Variants in USP13 observed in about 807,000 individuals in gnomAD.
The protein encoded by USP13 is ubiquitin carboxyl-terminal hydrolase 13.
A neutral mutation model predicts 107.8 loss-of-function variants in USP13; 68 were observed. That is an observed-to-expected ratio of 0.63 (90% CI 0.52 to 0.77). The LOEUF is 0.77. Among genes scored for constraint, USP13 ranks in the 30% least tolerant of loss-of-function variants. USP13 has a pLI of 0.00. For missense variants in USP13, 945 were observed against 1,093.3 expected, an observed-to-expected ratio of 0.86 and a Z score of 1.91; for synonymous variants, 377 against 389.5, an observed-to-expected ratio of 0.97 and a Z score of 0.38.
chr3:179,728,875 G>C (rs1164267359), intron 8 of USP13, among the ~76,000 whole-genome samples: 3 of 149,702 alleles, frequency 2.0e-5, no homozygotes, highest in Non-Finnish European at 4.4e-5. Flanking sequence ...GCAGGCAGTC[G>C]GCAGGCTGAG....
intron 15 of USP13, 97 bp downstream of exon 15, chr3:179,754,951 A>AC (rs1481853288): frequency 4.9e-6 from 7 of 1,440,504 alleles, no homozygotes; most frequent in Non-Finnish European, 6.5e-6. Context: ...TACCACCACC[A>AC]CCCATTGGTG....
chr3:179,774,791 C>G (rs1359497035), intron 19 of USP13, among the ~76,000 whole-genome samples: 1 of 152,152 alleles, frequency 6.6e-6, no homozygotes, highest in Non-Finnish European at 1.5e-5. Context: ...GCTGATTGGC[C>G]CATTTTACAG....
In USP13 at chr3:179,761,234, A is replaced by G. The variant is rs1234380411; in HGVS notation, c.2071A>G (p.Ile691Val). Residue 691 changes from isoleucine (I) to valine (V), a missense_variant, in exon 17 of 21, where the codon ATT becomes GTT. By Grantham distance (29) the Ile-to-Val change is conservative. Coordinates refer to ENST00000263966, the MANE Select transcript of USP13 (RefSeq NM_003940.3). ...CGCCGAGGTGGCCTTCAACTGGATCATTGTTCACATGGAAGAGCCAGGTAG... is the reference window on the plus strand; with the variant it reads ...CGCCGAGGTGGCCTTCAACTGGATCGTTGTTCACATGGAAGAGCCAGGTAG... ...MGAEVAFNWI[I>V]VHMEEPDFAE... The G allele has an allele frequency of 3.7e-6, 6 of 1,614,188 alleles. No homozygotes were observed. Among genetic ancestry groups the G allele is most frequent in the Admixed American group, 1.7e-5 (1 of 60,026 alleles).
At chr3:179,730,863 T>C (rs1220450714) in intron 10 of USP13, among the ~76,000 whole-genome samples, 154 bp downstream of exon 10, 1 of 152,198 alleles carries the variant, frequency 6.6e-6, no homozygotes, top group African/African-American at 2.4e-5. Flanking sequence ...CTGTATGCTC[T>C]TAAAAATTGT....
intron 16 of USP13, among the ~76,000 whole-genome samples, chr3:179,758,645 CCTG>C (rs1714892688): frequency 2.0e-5 from 3 of 150,052 alleles, no homozygotes; most frequent in Non-Finnish European, 4.5e-5. Context: ...ACTACAGGCG[CCTG>C]CCACCACAAC....
At chr3:179,724,550 T>A (rs1713447097) in intron 8 of USP13, among the ~76,000 whole-genome samples, 1 of 152,126 alleles carries the variant, frequency 6.6e-6, no homozygotes, top group Admixed American at 6.5e-5. Context: ...TTAACTGGCT[T>A]ATGAACAGCC....
At chr3:179,664,301 T>C (rs997696664) in intron 1 of USP13, among the ~76,000 whole-genome samples, 1 of 151,618 alleles carries the variant, frequency 6.6e-6, no homozygotes, top group African/African-American at 2.4e-5. Flanking sequence ...ACCATGTTGG[T>C]CAGGCTGGTC....
At chr3:179,739,304 C>T (rs1287617448) in intron 10 of USP13, among the ~76,000 whole-genome samples, 2 of 152,226 alleles carry the variant, frequency 1.3e-5, no homozygotes, top group African/African-American at 2.4e-5. Context: ...TGTTCTTCCC[C>T]CGCAGCCTTT....
At chr3:179,739,016 T>C (rs562049548) in intron 10 of USP13, among the ~76,000 whole-genome samples, 15 of 152,296 alleles carry the variant, frequency 9.8e-5, no homozygotes, top group African/African-American at 3.6e-4. Flanking sequence ...TCTCCTGTCA[T>C]GGCTGGCTTT....
At chr3:179,674,274 A>G (rs1576916113) in intron 1 of USP13, among the ~76,000 whole-genome samples, 2 of 152,294 alleles carry the variant, frequency 1.3e-5, no homozygotes, top group East Asian at 3.9e-4. Flanking sequence ...CAGGACATAG[A>G]CCAGTTTGGG....
At chr3:179,736,566 G>T (rs570465297) in intron 10 of USP13, among the ~76,000 whole-genome samples, 4 of 152,324 alleles carry the variant, frequency 2.6e-5, no homozygotes, top group South Asian at 2.1e-4. Flanking sequence ...GGTAGCATCT[G>T]GTTAGGGAGC....
chr3:179,677,906 GATA>G (rs774717719), intron 1 of USP13, among the ~76,000 whole-genome samples: 3 of 152,020 alleles, frequency 2.0e-5, no homozygotes, highest in Non-Finnish European at 4.4e-5. Flanking sequence ...CAGATAATGA[GATA>G]ATAATAATTA....
intron 1 of USP13, among the ~76,000 whole-genome samples, chr3:179,669,232 A>G (rs4447764): frequency 0.11 from 16,154 of 152,234 alleles, 1,238 homozygotes; most frequent in East Asian, 0.4. Flanking sequence ...AGGCCAAGGC[A>G]AGCAGATCAC....
intron 19 of USP13, among the ~76,000 whole-genome samples, chr3:179,774,170 TG>T (rs917850657): frequency 2.6e-5 from 4 of 152,092 alleles, no homozygotes; most frequent in South Asian, 2.1e-4. Context: ...AGAGGTGTCA[TG>T]TTTTTTTAAA....
intron 3 of USP13, among the ~76,000 whole-genome samples, chr3:179,693,293 C>A (rs543296423): frequency 6.6e-6 from 1 of 151,800 alleles, no homozygotes; most frequent in East Asian, 2.0e-4. Context: ...GGACTACAGG[C>A]ACACACCACC....
chr3:179,695,409 TG>T (rs1297304462), intron 3 of USP13, among the ~76,000 whole-genome samples: 2 of 152,156 alleles, frequency 1.3e-5, no homozygotes, highest in Non-Finnish European at 2.9e-5. Flanking sequence ...GGCCACTGGC[TG>T]GTGCCAAAAG....
chr3:179,696,925 T>A (rs1017659006), intron 3 of USP13, among the ~76,000 whole-genome samples: 11 of 152,196 alleles, frequency 7.2e-5, no homozygotes, highest in African/African-American at 2.7e-4. Flanking sequence ...CAGATATGCA[T>A]AGATATATAA....
chr3:179,775,568 G>C (rs1180073628), intron 19 of USP13, among the ~76,000 whole-genome samples: 1 of 152,224 alleles, frequency 6.6e-6, no homozygotes, highest in Admixed American at 6.5e-5. Flanking sequence ...GCGGAGCAGG[G>C]GGCGGTGCCC....
intron 1 of USP13, among the ~76,000 whole-genome samples, chr3:179,664,785 G>A (rs552816724): frequency 6.6e-6 from 1 of 152,214 alleles, no homozygotes; most frequent in Non-Finnish European, 1.5e-5. Flanking sequence ...TGTGCCTCAT[G>A]TGGTAAGATT....
Sources: gnomAD v4.1 joint callset for allele counts (sites outside exome capture counted in the v4.1 genomes callset) on GRCh38, gnomAD v4.1.1 for gene constraint, MANE v1.5 for transcripts, NCBI Gene and HGNC (gene_info 2026-07-23, HGNC 2026-07-21) for gene names.